TBC1D13: variants seen among roughly 807,000 people sequenced by gnomAD.
TBC1D13 encodes epididymis secretory sperm binding protein.
TBC1D13 carries 40 observed loss-of-function variants against 53.6 expected under a neutral mutation model. The ratio of observed to expected loss-of-function variants is 0.75; its 90% confidence interval spans 0.58 to 0.97. The LOEUF is 0.97. Among genes scored for constraint, TBC1D13 ranks in the 50% least tolerant of loss-of-function variants. The pLI is 0.00. For missense variants in TBC1D13, 377 were observed against 499.4 expected, an observed-to-expected ratio of 0.75 and a Z score of 2.34; for synonymous variants, 182 against 197.7, an observed-to-expected ratio of 0.92 and a Z score of 0.67.
intron 7 of TBC1D13, 151 bp from the exon 8 acceptor site, chr9:128,803,099 G>A (rs1829765552): frequency 1.5e-6 from 1 of 672,092 alleles, no homozygotes; most frequent in Non-Finnish European, 2.6e-6. Context: ...TATCACCCAG[G>A]CTGGAATGCA....
chr9:128,808,117 C>T lies in TBC1D13; in HGVS notation c.*238C>T, dbSNP rs546161607. The T allele has an allele frequency of 1.6e-5, 8 of 513,706 alleles. No homozygotes were observed. The highest frequency in any genetic ancestry group is 7.6e-5 in the African/African-American group (4 of 52,524). 31.8% of individuals were successfully genotyped at this position (513,706 alleles called of 1,614,324 possible). On this transcript the variant is annotated 3_prime_UTR_variant, in exon 12 of 12. Transcript: ENST00000372648. ...CAGGATACTGAGGAGGGCTGGAGCT[C>T]GGGAAGTTGTCCTTCCTGGGCCAGG... is the stretch of plus-strand genomic sequence containing the variant.
chr9:128,790,897 CT>C, intron 3 of TBC1D13, 122 bp downstream of exon 3: 1 of 1,055,974 alleles, frequency 9.5e-7, no homozygotes, highest in Non-Finnish European at 1.3e-6. Flanking sequence ...TCTGAGGGAG[CT>C]TTTCTGGGAA....
chr9:128,807,436 A>G (rs1187001594), intron 11 of TBC1D13, among the ~76,000 whole-genome samples: 1 of 152,122 alleles, frequency 6.6e-6, no homozygotes, highest in African/African-American at 2.4e-5. Context: ...AAAAGTGCAG[A>G]ATCACAGTGG....
Position 128,807,961 on chromosome 9 carries a change from G to A in TBC1D13, c.*82G>A. 1 of 1,380,228 alleles carries A rather than the reference G, an allele frequency of 7.2e-7. No homozygotes were observed. The allele number at this position is 1,380,228 out of a possible 1,614,324, so 85.5% of individuals were successfully genotyped here. On this transcript the variant is annotated 3_prime_UTR_variant, in exon 12 of 12. Transcript: ENST00000372648. ...TCCCGGGACACATAGAAACCTGTAG[G>A]AACCCAGCCTGAGGGGAAGCCACAG...
chr9:128,803,125 C>A, intron 7 of TBC1D13, 125 bp from the exon 8 acceptor site: 1 of 782,538 alleles, frequency 1.3e-6, no homozygotes, highest in Non-Finnish European at 2.1e-6. Flanking sequence ...GTAATCACGG[C>A]TCACTGCAGC....
At chr9:128,793,881 C>G (rs139987467) in intron 6 of TBC1D13, among the ~76,000 whole-genome samples, 24 of 152,322 alleles carry the variant, frequency 1.6e-4, no homozygotes, top group African/African-American at 5.5e-4. Flanking sequence ...GGCCGAGTGC[C>G]GGTGTCAGAA....
Position 128,808,141 on chromosome 9 carries a change from G to A in TBC1D13, c.*262G>A, listed in dbSNP as rs1829872960. ...TCGGGAAGTTGTCCTTCCTGGGCCA[G>A]GGCCGTTTCTGGCACTGGGAGGCTG... On this transcript the variant is annotated 3_prime_UTR_variant, in exon 12 of 12. Transcript: ENST00000372648. 2.1e-6 allele frequency: 1 copy of A among 473,142 alleles called. No individual in the cohort carries two copies. Among genetic ancestry groups the A allele is most frequent in the African/African-American group, 1.9e-5 (1 of 51,634 alleles). 29.3% of individuals were successfully genotyped at this position (473,142 alleles called of 1,614,324 possible). A position where few individuals can be genotyped will look rare whatever the true frequency, so the allele number is the denominator to read the frequency against.
rs774213106 is a variant in TBC1D13 at position 128,797,192 on chromosome 9, G to A, written c.521G>A (p.Arg174Gln). ...QTTLKSQTVA[R>Q]NRSGVTNMSS... The stretch of plus-strand genomic sequence containing the variant: ...ACACTGAAATCTCAGACGGTGGCCC[G>A]GAACCGGAGTGGGGTCACAAATGTG... The change falls in exon 7 of 12, where the codon CGG becomes CAG. Residue 174 changes from arginine (R) to glutamine (Q), a missense_variant. Transcript: ENST00000372648. 1.9e-6 allele frequency: 3 copies of A among 1,613,920 alleles called. No homozygotes were observed. Among genetic ancestry groups the A allele is most frequent in the Non-Finnish European group, 2.5e-6 (3 of 1,179,972 alleles).
At chr9:128,801,634 G>A (rs993397474) in intron 7 of TBC1D13, among the ~76,000 whole-genome samples, 5 of 148,900 alleles carry the variant, frequency 3.4e-5, no homozygotes, top group Non-Finnish European at 6.0e-5. Flanking sequence ...AGCTGAGGTC[G>A]CACCACTGCA....
At chr9:128,794,074 C>G (rs552508529) in intron 6 of TBC1D13, among the ~76,000 whole-genome samples, 2 of 152,102 alleles carry the variant, frequency 1.3e-5, no homozygotes, top group South Asian at 2.1e-4. Flanking sequence ...TTTGGGGGAT[C>G]GAGGAAAGCC....
rs552598900 is a variant in TBC1D13 at position 128,801,268 on chromosome 9, A to G, written c.544-1982A>G. On this transcript the variant is annotated intron_variant, in intron 7 of 11. Transcript: ENST00000372648. Reference sequence around the variant, plus strand: ...TCACCTGATACCCAACCCATGAACAATTGAGATGTCCTCAGCTGGTGCCAG... The same window carrying G: ...TCACCTGATACCCAACCCATGAACAGTTGAGATGTCCTCAGCTGGTGCCAG... 2.6e-5 allele frequency among the ~76,000 whole-genome samples: 4 copies of G among 152,270 alleles called. No individual in the cohort carries two copies. The South Asian group carries it at 8.3e-4, about 32-fold the overall frequency.
chr9:128,792,352 A>G, intron 5 of TBC1D13, 140 bp from the exon 6 acceptor site: 1 of 674,500 alleles, frequency 1.5e-6, no homozygotes, highest in South Asian at 1.9e-5. Context: ...TCCTCTGAGT[A>G]TCTTGCAGGT....
intron 8 of TBC1D13, 54 bp from the exon 9 acceptor site, chr9:128,803,902 A>G: frequency 6.3e-7 from 1 of 1,599,370 alleles, no homozygotes; most frequent in Non-Finnish European, 8.5e-7. Flanking sequence ...GGTAGGTGAG[A>G]GGTGGGGTGG....
chr9:128,788,194 T>G, intron 1 of TBC1D13, 140 bp from the exon 2 acceptor site: 1 of 692,830 alleles, frequency 1.4e-6, no homozygotes, highest in Non-Finnish European at 2.5e-6. Flanking sequence ...GTGAGGACCT[T>G]GACTAAGCTG....
rs1554794211 is a variant in TBC1D13 at position 128,787,295 on chromosome 9, A to AGCGCCGCAGGCGGCAGAG, written c.-55_-54insCGCAGGCGGCAGAGGCGC. 8.8e-6 allele frequency: 11 copies of AGCGCCGCAGGCGGCAGAG among 1,250,948 alleles called. No homozygotes were observed. The African/African-American group carries it at 1.4e-4, about 16-fold the overall frequency. 77.5% of individuals were successfully genotyped at this position (1,250,948 alleles called of 1,614,324 possible). A position where few individuals can be genotyped will look rare whatever the true frequency, so the allele number is the denominator to read the frequency against. On this transcript the variant is annotated 5_prime_UTR_variant, in exon 1 of 12. Coordinates refer to ENST00000372648, the MANE Select transcript of TBC1D13 (RefSeq NM_018201.5). ...CCTGGGGGGCGGCGGCGGCGGCGGC[A>AGCGCCGCAGGCGGCAGAG]GCGCAGGCGGCAGAGGCGCAGGCGG...
chr9:128,797,296 G>A, intron 7 of TBC1D13, 82 bp downstream of exon 7: 1 of 1,439,950 alleles, frequency 6.9e-7, no homozygotes, highest in Non-Finnish European at 9.5e-7. Context: ...GCCACAAGGT[G>A]TCGGGCCATG....
chr9:128,806,805 T>G (rs958890135), intron 11 of TBC1D13, among the ~76,000 whole-genome samples: 1 of 152,026 alleles, frequency 6.6e-6, no homozygotes, highest in African/African-American at 2.4e-5. Context: ...TAGCCGGGCT[T>G]GGTGGCATGC....
Position 128,788,416 on chromosome 9 carries a change from C to G in TBC1D13, c.97+9C>G, listed in dbSNP as rs1403011917. ...GGAACTCAGCTTTAGTGGTAAGAAG[C>G]CATTCTGTATTTTCACGGTTTCCCT... is the stretch of plus-strand genomic sequence containing the variant. On this transcript the variant is annotated intron_variant, in intron 2 of 11. Coordinates refer to ENST00000372648, the MANE Select transcript of TBC1D13 (RefSeq NM_018201.5). The G allele has an allele frequency of 6.2e-7, 1 of 1,613,190 alleles. No individual in the cohort carries two copies. Among genetic ancestry groups the G allele is most frequent in the Non-Finnish European group, 8.5e-7 (1 of 1,179,258 alleles).
At chr9:128,803,664 A>C (rs1446544633) in intron 8 of TBC1D13, among the ~76,000 whole-genome samples, 1 of 152,214 alleles carries the variant, frequency 6.6e-6, no homozygotes, top group East Asian at 1.9e-4. Flanking sequence ...CTGATAGAGA[A>C]GGTGGATATG....
Sources: allele counts gnomAD v4.1 joint callset (sites outside exome capture counted in the v4.1 genomes callset), GRCh38; gene constraint gnomAD v4.1.1; transcripts MANE v1.5; gene names NCBI Gene and HGNC (gene_info 2026-07-23, HGNC 2026-07-21).